Variants in SPAG16 observed in about 807,000 individuals in gnomAD.
SPAG16 encodes the protein sperm-associated antigen 16 protein.
SPAG16 carries 86 observed loss-of-function variants against 80.4 expected under a neutral mutation model. That is an observed-to-expected ratio of 1.07 (90% confidence interval 0.90 to 1.28). SPAG16 has a LOEUF of 1.28. Ranked by LOEUF, SPAG16 falls within the 50% of genes most tolerant of loss-of-function variation. The probability of loss-of-function intolerance (pLI) is 0.00; values close to 1 mark genes in which losing one functional copy is unlikely to be tolerated. For synonymous variants in SPAG16, 294 were observed against 265.9 expected (o/e 1.11, Z -1.03); for missense variants, 870 against 765.3 (o/e 1.14, Z -1.61).
chr2:214,119,842 A>C (rs2054126587), intron 14 of SPAG16, among the ~76,000 whole-genome samples: 1 of 151,850 alleles, frequency 6.6e-6, no homozygotes, highest in South Asian at 2.1e-4. Context: ...TGGAAATGTC[A>C]TTATTTTATT....
rs987180373 is a variant in SPAG16 at position 214,196,667 on chromosome 2, G to A, written c.1720+47401G>A. On this transcript the variant is annotated intron_variant, in intron 15 of 15. Transcript: ENST00000331683. ...AAGAGTGAAACCAGTCTATATGCCT[G>A]TTACATTATTTGTGGTTGAATTTTA... 3.9e-5 allele frequency among the ~76,000 whole-genome samples: 6 copies of A among 152,004 alleles called. No individual in the cohort carries two copies. The East Asian group carries it at 1.2e-3, about 29-fold the overall frequency.
chr2:213,777,315 C>T (rs1458887000), intron 10 of SPAG16, among the ~76,000 whole-genome samples: 1 of 133,724 alleles, frequency 7.5e-6, no homozygotes, highest in Non-Finnish European at 1.5e-5. Context: ...GGTGCAATCT[C>T]GGCTTACTGC....
rs567614160 is a variant in SPAG16, at chr2:214,187,945, T to A, written c.1720+38679T>A. ...TCAAAATGCACTACTATTTAAGCGA[T>A]TTTTGTATTGGATGGACCTTGAGAA... On this transcript the variant is annotated intron_variant, in intron 15 of 15. Transcript: ENST00000331683. 2.1e-4 allele frequency among the ~76,000 whole-genome samples: 32 copies of A among 152,266 alleles called. No individual in the cohort carries two copies. The South Asian group carries it at 6.4e-3, about 31-fold the overall frequency.
At chr2:214,054,236 C>G (rs191300430) in intron 13 of SPAG16, among the ~76,000 whole-genome samples, 8 of 152,292 alleles carry the variant, frequency 5.3e-5, no homozygotes, top group African/African-American at 1.7e-4. Flanking sequence ...TCTCGAACTC[C>G]TGACCTCAGG....
chr2:214,351,884 G>C (rs1278658251), intron 15 of SPAG16, among the ~76,000 whole-genome samples: 1 of 152,012 alleles, frequency 6.6e-6, no homozygotes, highest in African/African-American at 2.4e-5. Flanking sequence ...CTCTTAGTCT[G>C]TTTGGTCTGC....
At chr2:213,912,373 G>T in intron 11 of SPAG16, among the ~76,000 whole-genome samples, 1 of 151,916 alleles carries the variant, frequency 6.6e-6, no homozygotes, top group East Asian at 1.9e-4. Flanking sequence ...AGAAATATTT[G>T]CTATATAAGA....
intron 13 of SPAG16, among the ~76,000 whole-genome samples, chr2:214,035,230 A>C (rs950389246): frequency 6.6e-6 from 1 of 151,940 alleles, no homozygotes; most frequent in Admixed American, 6.5e-5. Context: ...ACACTGATTA[A>C]TCTATGAGCA....
rs571479609 is a variant in SPAG16 at position 213,551,505 on chromosome 2, A to G, written c.1070+61415A>G. 1.1e-3 allele frequency among the ~76,000 whole-genome samples: 164 copies of G among 152,340 alleles called. 2 individuals are homozygous for G. The highest frequency in any genetic ancestry group is 3.8e-3 in the African/African-American group (156 of 41,576). On this transcript the variant is annotated intron_variant, in intron 10 of 15. Coordinates refer to ENST00000331683, the MANE Select transcript of SPAG16 (RefSeq NM_024532.5). Reference sequence around the variant, plus strand: ...AGGTTTTGGTATCAGAGTATCAGAAATGTTCTGGCCTGATAAAATGAAGTT... The same window carrying G: ...AGGTTTTGGTATCAGAGTATCAGAAGTGTTCTGGCCTGATAAAATGAAGTT...
chr2:213,758,698 C>T (rs972651564), intron 10 of SPAG16, among the ~76,000 whole-genome samples: 23 of 152,028 alleles, frequency 1.5e-4, no homozygotes, highest in African/African-American at 4.4e-4. Flanking sequence ...ACCTGTGTGA[C>T]ACAATCAAGG....
intron 9 of SPAG16, among the ~76,000 whole-genome samples, chr2:213,426,152 A>G (rs2069899352): frequency 6.6e-6 from 1 of 152,160 alleles, no homozygotes; most frequent in Non-Finnish European, 1.5e-5. Context: ...TTTTCAGCCT[A>G]TATGATTTAT....
chr2:213,406,471 A>G (rs926523046), intron 9 of SPAG16, among the ~76,000 whole-genome samples: 3 of 152,194 alleles, frequency 2.0e-5, no homozygotes, highest in Non-Finnish European at 4.4e-5. Context: ...TTATTTAACC[A>G]TACATTAAGT....
At chr2:213,767,771 A>G (rs2077974) in intron 10 of SPAG16, among the ~76,000 whole-genome samples, 47,213 of 151,996 alleles carry the variant, frequency 0.31, 7,540 homozygotes, top group Middle Eastern at 0.4. Context: ...CTCCACTGGA[A>G]TAACTTAAAA....
rs533869995 is a variant in SPAG16 at position 213,990,868 on chromosome 2, G to T, written c.1401-23083G>T. 2.6e-5 allele frequency among the ~76,000 whole-genome samples: 4 copies of T among 152,226 alleles called. No homozygotes were observed. In the South Asian group the frequency reaches 8.3e-4, roughly 32 times the overall value. On this transcript the variant is annotated intron_variant, in intron 12 of 15. Coordinates refer to ENST00000331683, the MANE Select transcript of SPAG16 (RefSeq NM_024532.5). ...ATATGGAATTTGTAAAACAGCTGTG[G>T]AATTTTGCCGCTTGAACCACTTTGT...
At chr2:214,128,420 G>C (rs2054600061) in intron 14 of SPAG16, among the ~76,000 whole-genome samples, 1 of 151,814 alleles carries the variant, frequency 6.6e-6, no homozygotes, top group South Asian at 2.1e-4. Context: ...TCTACTCAAG[G>C]CTTTTCATTG....
intron 9 of SPAG16, among the ~76,000 whole-genome samples, chr2:213,472,057 T>A (rs2073108641): frequency 6.6e-6 from 1 of 152,194 alleles, no homozygotes; most frequent in African/African-American, 2.4e-5. Flanking sequence ...TCACTGGATT[T>A]CATCAGTATA....
intron 15 of SPAG16, among the ~76,000 whole-genome samples, chr2:214,223,635 C>T (rs2058634774): frequency 1.3e-5 from 2 of 151,940 alleles, no homozygotes; most frequent in African/African-American, 4.8e-5. Flanking sequence ...TTAAGTATTT[C>T]TTCTCATCAA....
At chr2:213,527,649 A>G (rs2075933847) in intron 10 of SPAG16, among the ~76,000 whole-genome samples, 1 of 152,238 alleles carries the variant, frequency 6.6e-6, no homozygotes, top group Admixed American at 6.5e-5. Context: ...TTTCTACTCC[A>G]AAAGAAATTG....
chr2:213,644,314 T>C (rs952100423), intron 10 of SPAG16, among the ~76,000 whole-genome samples: 4 of 152,150 alleles, frequency 2.6e-5, no homozygotes, highest in African/African-American at 9.7e-5. Context: ...GTCTGAAATG[T>C]CACATTTCTC....
intron 9 of SPAG16, among the ~76,000 whole-genome samples, chr2:213,389,925 T>C (rs2067652712): frequency 1.3e-5 from 2 of 152,158 alleles, no homozygotes; most frequent in Admixed American, 1.3e-4. Context: ...TAAAAAGATA[T>C]TTTACACCCA....
Sources: allele counts gnomAD v4.1 joint callset (sites outside exome capture counted in the v4.1 genomes callset), GRCh38; gene constraint gnomAD v4.1.1; transcripts MANE v1.5; gene names NCBI Gene and HGNC (gene_info 2026-07-23, HGNC 2026-07-21).